FOXO3: variants seen among roughly 807,000 people sequenced by gnomAD.
FOXO3 encodes the protein forkhead box O3.
Under a neutral mutation model 41.9 loss-of-function variants are expected in FOXO3, and 4 were observed. The observed-to-expected ratio is 0.10, with a 90% CI of 0.05 to 0.22. The LOEUF is 0.22. Among genes scored for constraint, FOXO3 ranks in the 10% least tolerant of loss-of-function variants. The probability of loss-of-function intolerance (pLI) is 1.00; values close to 1 mark genes in which losing one functional copy is unlikely to be tolerated. For missense variants in FOXO3, 534 were observed against 906.8 expected (o/e 0.59, Z 5.28); for synonymous variants, 318 against 389.3 (o/e 0.82, Z 2.16).
At chr6:108,577,715 G>C (rs1180621799) in intron 1 of FOXO3, among the ~76,000 whole-genome samples, 1 of 152,214 alleles carries the variant, frequency 6.6e-6, no homozygotes, top group Non-Finnish European at 1.5e-5. Flanking sequence ...GATTTTGGCT[G>C]TGGAAGTTAT....
At chr6:108,565,714 T>C (rs1775931934) in intron 1 of FOXO3, among the ~76,000 whole-genome samples, 1 of 152,362 alleles carries the variant, frequency 6.6e-6, no homozygotes, top group East Asian at 1.9e-4. Flanking sequence ...TGTATTGTTA[T>C]GGCTTCTTGC....
intron 1 of FOXO3, among the ~76,000 whole-genome samples, chr6:108,639,161 G>C (rs1024324291): frequency 2.0e-5 from 3 of 152,176 alleles, no homozygotes; most frequent in Middle Eastern, 3.2e-3. Flanking sequence ...TTGCTTCTCT[G>C]ACCTGAAAAT....
intron 1 of FOXO3, among the ~76,000 whole-genome samples, chr6:108,642,056 T>C (rs1778274015): frequency 6.6e-6 from 1 of 151,326 alleles, no homozygotes; most frequent in Admixed American, 6.6e-5. Flanking sequence ...AAACAGTGAA[T>C]AGTACAGGTC....
chr6:108,584,469 A>T (rs1206304183), intron 1 of FOXO3, among the ~76,000 whole-genome samples: 1 of 152,142 alleles, frequency 6.6e-6, no homozygotes, highest in Non-Finnish European at 1.5e-5. Flanking sequence ...GATGGATTGC[A>T]GGTTTCAGGG....
Position 108,561,802 on chromosome 6 carries a change from C to T in FOXO3, c.594C>T (p.Gly198=), listed in dbSNP as rs373503752. ...VRCVPYFKDK[G]DSNSSAGWKN... ...GCGTGCCCTACTTCAAGGATAAGGG[C>T]GACAGCAACAGCTCTGCCGGCTGGA... is the stretch of plus-strand genomic sequence containing the variant. Residue 198 remains glycine (G), a synonymous_variant, in exon 1 of 3, where the codon GGC becomes GGT. Transcript: ENST00000406360. 11 of 1,591,160 alleles carry T rather than the reference C, an allele frequency of 6.9e-6. No homozygotes were observed. Among genetic ancestry groups the T allele is most frequent in the Middle Eastern group, 1.7e-4 (1 of 5,972 alleles).
Position 108,561,160 on chromosome 6 carries a change from G to C in FOXO3, c.-49G>C, listed in dbSNP as rs1419171910. On this transcript the variant is annotated 5_prime_UTR_variant, in exon 1 of 3. Transcript: ENST00000406360. ...CTCCCCCGCTGCACCCCGCCCCGGC[G>C]CGAGAGGAGAGCGCGAGAGCCCCAG... 1 of 1,506,216 alleles carries C rather than the reference G, an allele frequency of 6.6e-7. No homozygotes were observed. The highest frequency in any genetic ancestry group is 8.8e-7 in the Non-Finnish European group (1 of 1,131,812). 93.3% of individuals were successfully genotyped at this position (1,506,216 alleles called of 1,614,324 possible).
At chr6:108,628,176 C>A (rs1275586547) in intron 1 of FOXO3, among the ~76,000 whole-genome samples, 3 of 152,098 alleles carry the variant, frequency 2.0e-5, no homozygotes, top group Non-Finnish European at 4.4e-5. Flanking sequence ...TTAATACTTA[C>A]CCATTGGTGT....
At chr6:108,651,491 A>G (rs1204485592) in intron 1 of FOXO3, among the ~76,000 whole-genome samples, 2 of 152,266 alleles carry the variant, frequency 1.3e-5, no homozygotes, top group Non-Finnish European at 2.9e-5. Flanking sequence ...CCAAAAAGAA[A>G]TCAGTTGCTC....
chr6:108,671,956 A>C (rs1265366147), intron 2 of FOXO3, among the ~76,000 whole-genome samples: 1 of 152,246 alleles, frequency 6.6e-6, no homozygotes, highest in Non-Finnish European at 1.5e-5. Context: ...GGATCGCCTG[A>C]GAAGTCCCAG....
intron 1 of FOXO3, 88 bp from the exon 2 acceptor site, chr6:108,663,367 G>T (rs1778928206): frequency 1.3e-6 from 2 of 1,504,544 alleles, no homozygotes; most frequent in African/African-American, 2.8e-5. Flanking sequence ...AATAAAAAAT[G>T]AATGAGGAGT....
At chr6:108,627,613 C>G (rs767020732) in intron 1 of FOXO3, among the ~76,000 whole-genome samples, 1 of 151,950 alleles carries the variant, frequency 6.6e-6, no homozygotes, top group Non-Finnish European at 1.5e-5. Flanking sequence ...CAGAGGTGTT[C>G]AGTATTTTGG....
intron 1 of FOXO3, among the ~76,000 whole-genome samples, chr6:108,589,307 C>T (rs979548323): frequency 6.6e-6 from 1 of 152,236 alleles, no homozygotes; most frequent in African/African-American, 2.4e-5. Context: ...TAAGCACCCC[C>T]TGCCCCGGAG....
rs548294553 is a variant in FOXO3 at position 108,613,842 on chromosome 6, C to T, written c.622-49613C>T. Among the ~76,000 whole-genome samples, 10 of 152,152 alleles carry T rather than the reference C, an allele frequency of 6.6e-5. No individual in the cohort carries two copies. In the South Asian group the frequency reaches 2.1e-3, roughly 32 times the overall value. On this transcript the variant is annotated intron_variant, in intron 1 of 2. Coordinates refer to ENST00000406360, the MANE Select transcript of FOXO3 (RefSeq NM_001455.4). ...AAACCTTAGATCATTTACTTGAGAC[C>T]TTCCTTCCTAATATAAATGTTGAAA...
chr6:108,618,961 C>T (rs926625327), intron 1 of FOXO3, among the ~76,000 whole-genome samples: 1 of 152,194 alleles, frequency 6.6e-6, no homozygotes, highest in East Asian at 1.9e-4. Flanking sequence ...GGCTTGGACA[C>T]TACCTCCTGG....
At chr6:108,638,010 A>C (rs1778163726) in intron 1 of FOXO3, among the ~76,000 whole-genome samples, 1 of 152,248 alleles carries the variant, frequency 6.6e-6, no homozygotes, top group African/African-American at 2.4e-5. Flanking sequence ...AAAAAAATGA[A>C]AACAAAATAT....
At chr6:108,605,592 C>T (rs1777177641) in intron 1 of FOXO3, among the ~76,000 whole-genome samples, 1 of 152,160 alleles carries the variant, frequency 6.6e-6, no homozygotes, top group South Asian at 2.1e-4. Flanking sequence ...AAGCTTGCCT[C>T]AAATGACACT....
intron 2 of FOXO3, among the ~76,000 whole-genome samples, chr6:108,669,261 A>G (rs930960327): frequency 1.3e-5 from 2 of 152,240 alleles, no homozygotes; most frequent in African/African-American, 2.4e-5. Flanking sequence ...ATTGGAAGCC[A>G]TTTGGAATTT....
rs552692301 is a variant in FOXO3 at position 108,673,174 on chromosome 6, G to A, written c.*35-6653G>A. Reference sequence around the variant, plus strand: ...TACCTGAAAATGCTGCCTGCCCACCGAGTAACAAAAGCCAAAGCACTCCCT... The same window carrying A: ...TACCTGAAAATGCTGCCTGCCCACCAAGTAACAAAAGCCAAAGCACTCCCT... On this transcript the variant is annotated intron_variant, in intron 2 of 2. Coordinates refer to ENST00000406360, the MANE Select transcript of FOXO3 (RefSeq NM_001455.4). 5.9e-5 allele frequency among the ~76,000 whole-genome samples: 9 copies of A among 152,318 alleles called. No homozygotes were observed. In the South Asian group the frequency reaches 1.5e-3, roughly 25 times the overall value.
chr6:108,663,435 ATTTTC>A lies in FOXO3; in HGVS notation c.622-13_622-9del. The A allele has an allele frequency of 6.3e-7, 1 of 1,584,800 alleles. No individual in the cohort carries two copies. Among genetic ancestry groups the A allele is most frequent in the Non-Finnish European group, 8.6e-7 (1 of 1,165,952 alleles). On this transcript the variant is annotated splice_polypyrimidine_tract_variant and intron_variant, in intron 1 of 2. Coordinates refer to ENST00000406360, the MANE Select transcript of FOXO3 (RefSeq NM_001455.4). ...TGGACCATTCTGGTTCATACTCTGTATTTTCTTTTCTCCCTGCAGAACTCCATCCG... is the reference window on the plus strand; with the variant it reads ...TGGACCATTCTGGTTCATACTCTGTATTTTCTCCCTGCAGAACTCCATCCG...
Sources: gnomAD v4.1 joint callset for allele counts (sites outside exome capture counted in the v4.1 genomes callset) on GRCh38, gnomAD v4.1.1 for gene constraint, MANE v1.5 for transcripts, NCBI Gene and HGNC (gene_info 2026-07-23, HGNC 2026-07-21) for gene names.